KCNQ1: variants seen among roughly 807,000 people sequenced by gnomAD.
The protein encoded by KCNQ1 is potassium voltage-gated channel subfamily Q member 1.
A neutral mutation model predicts 72.4 loss-of-function variants in KCNQ1; 49 were observed. The ratio of observed to expected loss-of-function variants is 0.68; its 90% CI spans 0.54 to 0.86. The LOEUF (loss-of-function observed/expected upper bound fraction) is 0.86, where lower values mean the gene tolerates loss of function less well. Among genes scored for constraint, KCNQ1 ranks in the 40% least tolerant of loss-of-function variants. The probability of loss-of-function intolerance (pLI) is 0.00; values close to 1 mark genes in which losing one functional copy is unlikely to be tolerated. For missense variants in KCNQ1, 790 were observed against 945.1 expected, an observed-to-expected ratio of 0.84 and a Z score of 2.15; for synonymous variants, 450 against 412.6, an observed-to-expected ratio of 1.09 and a Z score of -1.10.
In KCNQ1 at chr11:2,526,763, T is replaced by C. The variant is rs1352844540; in HGVS notation, c.387-1165T>C. Among the ~76,000 whole-genome samples the C allele has an allele frequency of 6.6e-6, 1 of 151,766 alleles. No homozygotes were observed. Among genetic ancestry groups the C allele is most frequent in the Admixed American group, 6.6e-5 (1 of 15,266 alleles). On this transcript the variant is annotated intron_variant, in intron 1 of 15. Transcript: ENST00000155840. The surrounding 1 kb of genome is among the most constrained non-coding windows in gnomAD (Gnocchi z 6.1). ...CTTCAGGAGGCTGGATGAGAGGCAA[T>C]GCAGGGGGCCTTCTGGCTGTCCTGG...
In KCNQ1 at chr11:2,572,923, C is replaced by G; in HGVS notation, c.858C>G (p.Asp286Glu). The change falls in exon 6 of 16, where the codon GAC (aspartate) becomes GAG (glutamate). Residue 286 changes from aspartate to glutamate, a missense_variant. Transcript: ENST00000155840. ...SSYFVYLAEK[D>E]AVNESGRVEF... ...ACTTTGTGTACCTGGCTGAGAAGGA[C>G]GCGGTGAACGAGTCAGGCCGCGTGG... 6.2e-7 allele frequency: 1 copy of G among 1,613,824 alleles called. No individual in the cohort carries two copies. The highest frequency in any genetic ancestry group is 1.6e-4 in the Middle Eastern group (1 of 6,062).
intron 6 of KCNQ1, among the ~76,000 whole-genome samples, chr11:2,574,962 C>T (rs555583129): frequency 2.6e-5 from 4 of 152,148 alleles, no homozygotes; most frequent in East Asian, 1.9e-4. Flanking sequence ...ATGGGTAGGG[C>T]GTGCTCGGGG....
At chr11:2,520,436 G>A (rs1300756383) in intron 1 of KCNQ1, among the ~76,000 whole-genome samples, 1 of 152,226 alleles carries the variant, frequency 6.6e-6, no homozygotes, top group Non-Finnish European at 1.5e-5. Context: ...GAGCCAGGAA[G>A]CAGGTGAACC....
rs547147851 is a variant in KCNQ1 at position 2,725,635 on chromosome 11, C to G, written c.1515-43209C>G. On this transcript the variant is annotated intron_variant, in intron 11 of 15. Transcript: ENST00000155840. This position sits in a 1 kb window ranked among gnomAD's most constrained non-coding sequence, Gnocchi z 7.2. ...TCCCGAACGTACCCTTTCCATGAGG[C>G]TGGGCGCCCTGCCCTGCCTTCAGTG... Among the ~76,000 whole-genome samples, 9 of 152,346 alleles carry G rather than the reference C, an allele frequency of 5.9e-5. No individual in the cohort carries two copies. The South Asian group carries it at 1.9e-3, about 32-fold the overall frequency.
At chr11:2,694,891 G>A (rs537571135) in intron 11 of KCNQ1, 2 of 398,652 alleles carry the variant, frequency 5.0e-6, no homozygotes, top group East Asian at 3.6e-5. Flanking sequence ...GAATTGTCAA[G>A]GGAAGATCAC....
At chr11:2,570,884 C>A in intron 3 of KCNQ1, 130 bp downstream of exon 3, 1 of 1,266,368 alleles carries the variant, frequency 7.9e-7, no homozygotes, top group East Asian at 2.4e-5. Context: ...GGGTGACTGC[C>A]CAGGACCCAG....
chr11:2,601,184 T>G lies in KCNQ1; in HGVS notation c.1393+12330T>G, dbSNP rs2133776708. The stretch of plus-strand genomic sequence containing the variant: ...GATCATTTTCCAACTCTAGCACCCC[T>G]TCCACGAAAGTACAGAAAGAAAAAA... On this transcript the variant is annotated intron_variant, in intron 10 of 15. Coordinates refer to ENST00000155840, the MANE Select transcript of KCNQ1 (RefSeq NM_000218.3). This position sits in a 1 kb window ranked among gnomAD's most constrained non-coding sequence, Gnocchi z 5.2. Among the ~76,000 whole-genome samples the G allele has an allele frequency of 6.6e-6, 1 of 152,244 alleles. No individual in the cohort carries two copies. The highest frequency in any genetic ancestry group is 3.4e-3 in the Middle Eastern group (1 of 294).
chr11:2,691,015 T>C lies in KCNQ1; in HGVS notation c.1514+28934T>C. The C allele has an allele frequency of 2.5e-6, 1 of 398,618 alleles. No individual in the cohort carries two copies. Among genetic ancestry groups the C allele is most frequent in the Non-Finnish European group, 4.4e-6 (1 of 226,066 alleles). 24.7% of individuals were successfully genotyped at this position (398,618 alleles called of 1,614,324 possible). ...CAATGAAGTGGGCAAAAGCTCTGGG[T>C]GAACTCTTGGCTCAGGTATCAGGAT... On this transcript the variant is annotated intron_variant, in intron 11 of 15. Coordinates refer to ENST00000155840, the MANE Select transcript of KCNQ1 (RefSeq NM_000218.3). The surrounding 1 kb of genome is among the most constrained non-coding windows in gnomAD (Gnocchi z 6.4).
At chr11:2,795,503 G>C (rs989486464) in intron 15 of KCNQ1, among the ~76,000 whole-genome samples, 1 of 152,184 alleles carries the variant, frequency 6.6e-6, no homozygotes, top group Non-Finnish European at 1.5e-5. Flanking sequence ...GTCATGCTTG[G>C]GCCCAGAGTG....
At chr11:2,688,591 G>T in intron 11 of KCNQ1, 1 of 398,724 alleles carries the variant, frequency 2.5e-6, no homozygotes, top group South Asian at 1.3e-4. Context: ...CTCGCTCACT[G>T]AGGCCAGGCA....
rs992995717 is a variant in KCNQ1 at position 2,451,127 on chromosome 11, C to T, written c.386+5643C>T. On this transcript the variant is annotated intron_variant, in intron 1 of 15. Coordinates refer to ENST00000155840, the MANE Select transcript of KCNQ1 (RefSeq NM_000218.3). This position sits in a 1 kb window ranked among gnomAD's most constrained non-coding sequence, Gnocchi z 6.4. ...TGCCTGAGCCCTTCTGCAGAAACAC[C>T]GTTCCCCGTAGAGCAGCAGTCCCCA... Among the ~76,000 whole-genome samples, 6 of 152,128 alleles carry T rather than the reference C, an allele frequency of 3.9e-5. No homozygotes were observed. Among genetic ancestry groups the T allele is most frequent in the Admixed American group, 6.6e-5 (1 of 15,264 alleles).
chr11:2,472,940 C>A (rs551497244), intron 1 of KCNQ1, among the ~76,000 whole-genome samples: 1 of 152,058 alleles, frequency 6.6e-6, no homozygotes, highest in East Asian at 1.9e-4. Flanking sequence ...ACCCCAGCAC[C>A]GAGATGGGCA....
rs1846208840 is a variant in KCNQ1, at chr11:2,750,323, G to T, written c.1515-18521G>T. The stretch of plus-strand genomic sequence containing the variant: ...CGGGGGTATAGCTGTTGGGCTTGTG[G>T]CTGGCCTGGCCTAACCAGTTGGGGG... On this transcript the variant is annotated intron_variant, in intron 11 of 15. Transcript: ENST00000155840. This position sits in a 1 kb window ranked among gnomAD's most constrained non-coding sequence, Gnocchi z 6.3. 6.6e-6 allele frequency among the ~76,000 whole-genome samples: 1 copy of T among 152,210 alleles called. No individual in the cohort carries two copies. Among genetic ancestry groups the T allele is most frequent in the Admixed American group, 6.5e-5 (1 of 15,290 alleles).
chr11:2,615,700 A>G (rs1419191222), intron 10 of KCNQ1: 8 of 397,960 alleles, frequency 2.0e-5, no homozygotes, highest in Admixed American at 4.4e-5. Context: ...ATACTCTTGT[A>G]CTGAACCACC....
chr11:2,549,738 G>C lies in KCNQ1; in HGVS notation c.478-20890G>C, dbSNP rs191004089. On this transcript the variant is annotated intron_variant, in intron 2 of 15. Coordinates refer to ENST00000155840, the MANE Select transcript of KCNQ1 (RefSeq NM_000218.3). This position sits in a 1 kb window ranked among gnomAD's most constrained non-coding sequence, Gnocchi z 6.2. ...CCCCAGGCCTGGTGTGGGGGTGCCT[G>C]GGGGGCAGTGGACGTGAGCAGCAGC... Among the ~76,000 whole-genome samples the C allele has an allele frequency of 6.9e-4, 105 of 152,062 alleles. 3 individuals are homozygous for C. The East Asian group carries it at 0.018, about 26-fold the overall frequency.
rs1451084004 is a variant in KCNQ1, at chr11:2,629,208, T to G, written c.1394-32753T>G. On this transcript the variant is annotated intron_variant, in intron 10 of 15. Coordinates refer to ENST00000155840, the MANE Select transcript of KCNQ1 (RefSeq NM_000218.3). ...AGTATAGCTATTTCGGCAATATTTA[T>G]TCTATTGATCTATGAACACCAGATA... 3 of 398,284 alleles carry G rather than the reference T, an allele frequency of 7.5e-6. No individual in the cohort carries two copies. In the Admixed American group the frequency reaches 1.3e-4, roughly 18 times the overall value. 24.7% of individuals were successfully genotyped at this position (398,284 alleles called of 1,614,324 possible).
chr11:2,672,550 A>C (rs1850205555), intron 11 of KCNQ1: 1 of 398,506 alleles, frequency 2.5e-6, no homozygotes. Flanking sequence ...TCCACATTGG[A>C]AGGTGGCCTT....
chr11:2,686,334 T>C (rs117438519), intron 11 of KCNQ1: 5,780 of 398,706 alleles, frequency 0.014, 203 homozygotes, highest in East Asian at 0.096. Flanking sequence ...TCCCACCTGT[T>C]CCAAGCTGGG....
chr11:2,718,040 A>G (rs1006825432), intron 11 of KCNQ1, among the ~76,000 whole-genome samples: 6 of 152,210 alleles, frequency 3.9e-5, no homozygotes, highest in Non-Finnish European at 7.3e-5. Flanking sequence ...TGATGGGTGT[A>G]GTCTCAGGGC....
Sources: allele counts gnomAD v4.1 joint callset (sites outside exome capture counted in the v4.1 genomes callset), GRCh38; gene constraint gnomAD v4.1.1; non-coding constraint Gnocchi (gnomAD v3.1); transcripts MANE v1.5; gene names NCBI Gene and HGNC (gene_info 2026-07-23, HGNC 2026-07-21).